COQ2: variants seen among roughly 807,000 people sequenced by gnomAD.
COQ2 encodes 4-hydroxybenzoate polyprenyltransferase, mitochondrial.
COQ2 carries 25 observed loss-of-function variants against 35.7 expected under a neutral mutation model. The ratio of observed to expected loss-of-function variants is 0.70; its 90% confidence interval spans 0.51 to 0.98. The LOEUF (loss-of-function observed/expected upper bound fraction) is 0.98, where lower values mean the gene tolerates loss of function less well. COQ2 is among the 50% of genes least tolerant of loss of function. COQ2 has a pLI of 0.00. For missense variants in COQ2, 488 were observed against 473.5 expected, an observed-to-expected ratio of 1.03 and a Z score of -0.28; for synonymous variants, 206 against 186.2, an observed-to-expected ratio of 1.11 and a Z score of -0.86.
chr4:83,267,517 A>G, intron 6 of COQ2, 69 bp downstream of exon 6: 3 of 1,387,710 alleles, frequency 2.2e-6, no homozygotes, highest in Admixed American at 5.6e-5. Flanking sequence ...CACAGAGGGC[A>G]TACTGTTTAA....
At chr4:83,275,847 A>G (rs1735153141) in intron 2 of COQ2, among the ~76,000 whole-genome samples, 1 of 151,896 alleles carries the variant, frequency 6.6e-6, no homozygotes, top group Admixed American at 6.6e-5. Context: ...CATGCTTCAT[A>G]AACTGTTACT....
At chr4:83,283,855 G>A (rs4235058) in intron 1 of COQ2, 939,003 of 985,394 alleles carry the variant, frequency 0.95, 448,581 homozygotes, top group East Asian at 0.99. Flanking sequence ...TGTTAATTAA[G>A]ATAGGAAGGT....
chr4:83,268,060 C>A (rs557117304), intron 5 of COQ2, among the ~76,000 whole-genome samples: 1 of 152,224 alleles, frequency 6.6e-6, no homozygotes, highest in Non-Finnish European at 1.5e-5. Context: ...CATTTCTATA[C>A]ACCATTATAT....
chr4:83,267,430 T>C (rs976586300), intron 6 of COQ2, among the ~76,000 whole-genome samples, 156 bp downstream of exon 6: 9 of 152,156 alleles, frequency 5.9e-5, no homozygotes, highest in African/African-American at 2.2e-4. Context: ...TCTTATAAGT[T>C]GAGGCCGGAG....
At chr4:83,271,939 T>C in intron 4 of COQ2, 148 bp downstream of exon 4, 1 of 554,822 alleles carries the variant, frequency 1.8e-6, no homozygotes, top group East Asian at 3.4e-5. Flanking sequence ...AATAGCTAAC[T>C]GCTCTCCTTT....
chr4:83,278,126 A>C (rs966535337), intron 2 of COQ2, among the ~76,000 whole-genome samples: 1 of 151,940 alleles, frequency 6.6e-6, no homozygotes, highest in Non-Finnish European at 1.5e-5. Flanking sequence ...AACTTTATAT[A>C]AGATTATTCA....
Position 83,284,503 on chromosome 4 carries a change from C to G in COQ2, c.253+9G>C, listed in dbSNP as rs1178401555. The stretch of plus-strand genomic sequence containing the variant: ...CAAATTCCCGGGCTGCCCGCCCGCC[C>G]GCACTCACCAATGGGCTTGTCCAAC... On this transcript the variant is annotated intron_variant, in intron 1 of 6. Coordinates refer to ENST00000647002, the MANE Select transcript of COQ2 (RefSeq NM_001358921.2). 6.4e-6 allele frequency: 10 copies of G among 1,563,180 alleles called. No individual in the cohort carries two copies. The highest frequency in any genetic ancestry group is 8.6e-6 in the Non-Finnish European group (10 of 1,156,266).
At chr4:83,279,226 A>G in intron 1 of COQ2, 112 bp from the exon 2 acceptor site, 4 of 1,282,632 alleles carry the variant, frequency 3.1e-6, no homozygotes, top group Non-Finnish European at 4.1e-6. Flanking sequence ...TCAAAAAAAC[A>G]AATGACAAAA....
intron 5 of COQ2, 123 bp from the exon 6 acceptor site, chr4:83,267,897 C>T: frequency 4.1e-6 from 3 of 725,596 alleles, no homozygotes; most frequent in Non-Finnish European, 6.7e-6. Context: ...AACCAATTAC[C>T]ACTAACTACT....
chr4:83,267,966 C>T (rs138518197), intron 5 of COQ2, among the ~76,000 whole-genome samples, 192 bp from the exon 6 acceptor site: 62 of 152,226 alleles, frequency 4.1e-4, no homozygotes, highest in Non-Finnish European at 5.4e-4. Flanking sequence ...TGAAAGATGA[C>T]AGTAACTCAG....
rs1372077739 is a variant in COQ2 at position 83,264,278 on chromosome 4, C to T, written c.1037G>A (p.Gly346Glu). Reference sequence around the variant, plus strand: ...TTTCCACAAATTCCCAAGGACAATCCCTAAAAAAACTATTAGTCCCAGTGT... The same window carrying T: ...TTTCCACAAATTCCCAAGGACAATCTCTAAAAAAACTATTAGTCCCAGTGT... Reference protein sequence around the residue: ...NRTLGLIVFLGIVLGNLWKEK... With the variant: ...NRTLGLIVFLEIVLGNLWKEK... The change falls in exon 7 of 7, where the codon GGG becomes GAG. Residue 346 changes from glycine (G) to glutamate (E), a missense_variant. Gly to Glu is a moderately conservative substitution (Grantham distance 98, BLOSUM62 -2). Transcript: ENST00000647002. The T allele has an allele frequency of 1.9e-6, 3 of 1,611,280 alleles. No homozygotes were observed. Among genetic ancestry groups the T allele is most frequent in the Non-Finnish European group, 2.5e-6 (3 of 1,179,006 alleles).
intron 1 of COQ2, among the ~76,000 whole-genome samples, chr4:83,280,189 A>G (rs1735286799): frequency 6.6e-6 from 1 of 152,228 alleles, no homozygotes; most frequent in Non-Finnish European, 1.5e-5. Context: ...CTTAACCAAT[A>G]AACTAGAGGA....
intron 1 of COQ2, among the ~76,000 whole-genome samples, chr4:83,280,057 T>G (rs999045722): frequency 2.0e-5 from 3 of 152,100 alleles, no homozygotes; most frequent in Non-Finnish European, 4.4e-5. Flanking sequence ...TGCAAACTCT[T>G]GGCCTCAAGT....
intron 1 of COQ2, chr4:83,284,296 G>C: frequency 1.0e-6 from 1 of 985,272 alleles, no homozygotes. Flanking sequence ...GCCCCAGGGC[G>C]CACGGCAGCC....
At chr4:83,283,643 T>C (rs1029308835) in intron 1 of COQ2, 1 of 985,494 alleles carries the variant, frequency 1.0e-6, no homozygotes, top group African/African-American at 1.7e-5. Context: ...AAATAGTCTT[T>C]TTCAACTAGA....
Position 83,267,618 on chromosome 4 carries a change from G to C in COQ2, c.919C>G (p.Leu307Val), listed in dbSNP as rs1160632351. 7 of 1,586,504 alleles carry C rather than the reference G, an allele frequency of 4.4e-6. No individual in the cohort carries two copies. Among genetic ancestry groups the C allele is most frequent in the East Asian group, 2.3e-5 (1 of 43,276 alleles). Residue 307 changes from leucine to valine, a missense_variant, in exon 6 of 7, where the codon CTG becomes GTG. Transcript: ENST00000647002. The part of the protein sequence containing the change: ...SGQTAPYYAA[L>V]GAVGAHLTHQ... ...GTCAGATGGGCTCCTACAGCACCCA[G>C]GGCAGCGTAGTAGGGAGCAGTCTGT...
chr4:83,265,499 G>A (rs1255106676), intron 6 of COQ2, among the ~76,000 whole-genome samples: 1 of 152,072 alleles, frequency 6.6e-6, no homozygotes, highest in Admixed American at 6.5e-5. Flanking sequence ...TTGAAACCAG[G>A]AGGTGGTGGA....
At chr4:83,282,964 C>T (rs984211854) in intron 1 of COQ2, among the ~76,000 whole-genome samples, 2 of 152,176 alleles carry the variant, frequency 1.3e-5, no homozygotes. Context: ...GGCTACACTG[C>T]CACTCCATGC....
chr4:83,281,740 C>T (rs1286828511), intron 1 of COQ2: 3 of 152,204 alleles, frequency 2.0e-5, no homozygotes, highest in African/African-American at 2.4e-5. Flanking sequence ...TCGATAGGCA[C>T]TATTTTTATT....
Sources: allele counts gnomAD v4.1 joint callset (sites outside exome capture counted in the v4.1 genomes callset), GRCh38; gene constraint gnomAD v4.1.1; transcripts MANE v1.5; gene names NCBI Gene and HGNC (gene_info 2026-07-23, HGNC 2026-07-21).